The following GLI2 variants were observed in gnomAD, a reference collection of about 807,000 sequenced individuals.
GLI2 encodes the protein GLI family zinc finger 2.
Under a neutral mutation model 78.9 loss-of-function variants are expected in GLI2, and 22 were observed. That is an observed-to-expected ratio of 0.28 (90% CI 0.20 to 0.40). The LOEUF is 0.40. Ranked by LOEUF, GLI2 falls within the 10% of genes least tolerant of loss-of-function variation. The pLI is 1.00. For missense variants in GLI2, 2,097 were observed against 2,213.2 expected, an observed-to-expected ratio of 0.95 and a Z score of 1.05; for synonymous variants, 974 against 963.7, an observed-to-expected ratio of 1.01 and a Z score of -0.20.
At chr2:120,854,181 A>T (rs968869548) in intron 2 of GLI2, among the ~76,000 whole-genome samples, 2 of 152,190 alleles carry the variant, frequency 1.3e-5, no homozygotes, top group African/African-American at 2.4e-5. Flanking sequence ...CAGGGCCGGG[A>T]GTCAAGGAGA....
intron 4 of GLI2, among the ~76,000 whole-genome samples, chr2:120,952,496 A>G (rs1050847626): frequency 6.6e-6 from 1 of 152,214 alleles, no homozygotes; most frequent in African/African-American, 2.4e-5. Flanking sequence ...TTGCACGATG[A>G]AAAGGAGGCA....
chr2:120,946,209 C>T (rs940423944), intron 3 of GLI2, among the ~76,000 whole-genome samples: 1 of 152,138 alleles, frequency 6.6e-6, no homozygotes, highest in Non-Finnish European at 1.5e-5. Flanking sequence ...GCCTCTTTCC[C>T]CCTGGGCTCT....
chr2:120,821,060 T>G (rs976953236), intron 2 of GLI2, among the ~76,000 whole-genome samples: 2 of 152,078 alleles, frequency 1.3e-5, no homozygotes, highest in African/African-American at 4.8e-5. Flanking sequence ...AAAAAGTGTT[T>G]TCAGGGCCCA....
intron 2 of GLI2, among the ~76,000 whole-genome samples, chr2:120,922,338 C>T (rs1013234491): frequency 2.6e-5 from 4 of 152,182 alleles, no homozygotes; most frequent in African/African-American, 7.2e-5. Flanking sequence ...GCAACTTGGC[C>T]GACTAGCTGG....
At chr2:120,897,859 T>G (rs1264186059) in intron 2 of GLI2, among the ~76,000 whole-genome samples, 1 of 152,212 alleles carries the variant, frequency 6.6e-6, no homozygotes, top group Non-Finnish European at 1.5e-5. Context: ...TAACATTTTA[T>G]GAGACCTCTT....
At chr2:120,971,742 T>G (rs2105024547) in intron 7 of GLI2, among the ~76,000 whole-genome samples, 199 bp from the exon 8 acceptor site, 1 of 152,344 alleles carries the variant, frequency 6.6e-6, no homozygotes, top group Admixed American at 6.5e-5. Flanking sequence ...GGGGTTGGCA[T>G]GCCCAGGTCT....
chr2:120,817,357 A>G (rs1685545719), intron 2 of GLI2, among the ~76,000 whole-genome samples: 1 of 152,166 alleles, frequency 6.6e-6, no homozygotes, highest in Non-Finnish European at 1.5e-5. Context: ...GCCCTGAAGG[A>G]GCAGGCCATG....
At chr2:120,923,493 T>A (rs1480885070) in intron 2 of GLI2, among the ~76,000 whole-genome samples, 1 of 151,386 alleles carries the variant, frequency 6.6e-6, no homozygotes, top group Non-Finnish European at 1.5e-5. Flanking sequence ...TATGCACGTA[T>A]ACGCAGTAAC....
At chr2:120,769,972 C>T (rs1683477594) in intron 1 of GLI2, among the ~76,000 whole-genome samples, 1 of 152,104 alleles carries the variant, frequency 6.6e-6, no homozygotes, top group South Asian at 2.1e-4. Flanking sequence ...CCTGCTGCCT[C>T]CTGTCCCCTC....
chr2:120,827,165 A>C (rs186198074), intron 2 of GLI2, among the ~76,000 whole-genome samples: 10 of 152,328 alleles, frequency 6.6e-5, no homozygotes, highest in African/African-American at 2.4e-4. Context: ...AAACACAAAC[A>C]TATGACTATG....
intron 2 of GLI2, among the ~76,000 whole-genome samples, chr2:120,891,836 G>A (rs115614017): frequency 0.013 from 2,037 of 152,340 alleles, 41 homozygotes; most frequent in African/African-American, 0.047. Context: ...ACACCAGGCT[G>A]TCCTCATTTA....
At chr2:120,795,644 C>T (rs1452380560) in intron 1 of GLI2, among the ~76,000 whole-genome samples, 2 of 152,092 alleles carry the variant, frequency 1.3e-5, no homozygotes, top group East Asian at 3.9e-4. Context: ...CACTGCGACC[C>T]CCGTCCCCAC....
intron 2 of GLI2, among the ~76,000 whole-genome samples, chr2:120,923,554 C>T (rs1291839403): frequency 6.6e-6 from 1 of 151,888 alleles, no homozygotes; most frequent in African/African-American, 2.4e-5. Context: ...CACACGCATA[C>T]AGCACACACA....
chr2:120,949,871 A>T (rs1680894133), intron 3 of GLI2, among the ~76,000 whole-genome samples: 2 of 152,184 alleles, frequency 1.3e-5, no homozygotes, highest in African/African-American at 4.8e-5. Flanking sequence ...CCCAGTTTTC[A>T]TGCACTATTG....
intron 2 of GLI2, among the ~76,000 whole-genome samples, chr2:120,902,914 A>G (rs980407669): frequency 1.3e-5 from 2 of 152,154 alleles, no homozygotes; most frequent in African/African-American, 4.8e-5. Flanking sequence ...GCTCTCAAGT[A>G]TGTTTGTAAG....
At chr2:120,797,537 G>C (rs1289880021) in intron 2 of GLI2, 69 bp downstream of exon 2, 2 of 1,458,852 alleles carry the variant, frequency 1.4e-6, no homozygotes, top group African/African-American at 1.4e-5. Context: ...GATTTAATTA[G>C]AGTGGTGGCC....
At chr2:120,875,573 A>G (rs1001843253) in intron 2 of GLI2, among the ~76,000 whole-genome samples, 2 of 152,356 alleles carry the variant, frequency 1.3e-5, no homozygotes, top group African/African-American at 4.8e-5. Context: ...CGGCGGTGCT[A>G]ACAGCTGCTG....
At chr2:120,793,930 C>T (rs964942801) in intron 1 of GLI2, among the ~76,000 whole-genome samples, 1 of 152,350 alleles carries the variant, frequency 6.6e-6, no homozygotes, top group Non-Finnish European at 1.5e-5. Flanking sequence ...GCCTCAGCTT[C>T]CTCCCCTATA....
At chr2:120,818,031 C>A (rs1685583256) in intron 2 of GLI2, among the ~76,000 whole-genome samples, 1 of 152,232 alleles carries the variant, frequency 6.6e-6, no homozygotes, top group African/African-American at 2.4e-5. Flanking sequence ...TGTTTCTAAA[C>A]CCCGTGCTCC....
Sources: allele counts gnomAD v4.1 joint callset (sites outside exome capture counted in the v4.1 genomes callset), GRCh38; gene constraint gnomAD v4.1.1; transcripts MANE v1.5; gene names NCBI Gene and HGNC (gene_info 2026-07-23, HGNC 2026-07-21).